The following CLRN3 variants were observed in gnomAD, a reference collection of about 807,000 sequenced individuals.
The protein encoded by CLRN3 is clarin-3.
CLRN3 carries 12 observed loss-of-function variants against 16.7 expected under a neutral mutation model. The ratio of observed to expected loss-of-function variants is 0.72; its 90% CI spans 0.46 to 1.16. The LOEUF is 1.16. Among genes scored for constraint, CLRN3 ranks in the 50% most tolerant of loss-of-function variants. The pLI is 0.00. For synonymous variants in CLRN3, 118 were observed against 113.0 expected (o/e 1.04, Z -0.28); for missense variants, 296 against 274.2 (o/e 1.08, Z -0.56).
At chr10:127,886,270 T>C (rs2135082979) in intron 1 of CLRN3, among the ~76,000 whole-genome samples, 1 of 152,324 alleles carries the variant, frequency 6.6e-6, no homozygotes, top group East Asian at 1.9e-4. Context: ...CTTAATTCTA[T>C]TTGTTCACTA....
intron 1 of CLRN3, among the ~76,000 whole-genome samples, chr10:127,889,313 C>A (rs1037871767): frequency 6.6e-6 from 1 of 151,284 alleles, no homozygotes; most frequent in Non-Finnish European, 1.5e-5. Flanking sequence ...CAAAGCAAGA[C>A]GCTGTCTCAA....
chr10:127,881,261 A>T (rs1343183507), intron 2 of CLRN3, among the ~76,000 whole-genome samples: 1 of 152,140 alleles, frequency 6.6e-6, no homozygotes, highest in Non-Finnish European at 1.5e-5. Context: ...CCGTCCAACA[A>T]TTCTTTGTGG....
At chr10:127,888,004 A>C (rs1159870497) in intron 1 of CLRN3, among the ~76,000 whole-genome samples, 3 of 152,324 alleles carry the variant, frequency 2.0e-5, no homozygotes, top group African/African-American at 7.2e-5. Context: ...CATGAGAGCC[A>C]TCCGGACATC....
chr10:127,879,212 G>A (rs970439210), intron 2 of CLRN3, among the ~76,000 whole-genome samples: 6 of 152,062 alleles, frequency 3.9e-5, no homozygotes, highest in Non-Finnish European at 8.8e-5. Flanking sequence ...AGGCTCCATT[G>A]ATCCTACCAC....
intron 1 of CLRN3, among the ~76,000 whole-genome samples, chr10:127,887,142 G>A (rs371026251): frequency 2.6e-5 from 4 of 152,200 alleles, no homozygotes; most frequent in African/African-American, 9.6e-5. Flanking sequence ...TAATAGAGGG[G>A]GACACCGGAG....
intron 1 of CLRN3, among the ~76,000 whole-genome samples, chr10:127,885,792 G>C (rs1845186847): frequency 6.6e-6 from 1 of 151,900 alleles, no homozygotes; most frequent in Non-Finnish European, 1.5e-5. Flanking sequence ...TTTCACTCTT[G>C]TTGCCCAGGC....
chr10:127,892,778 T>C lies in CLRN3; in HGVS notation c.7A>G (p.Thr3Ala). Reference protein sequence around the residue: MPTTKKTLMFLSS... With the variant: MPATKKTLMFLSS... The stretch of plus-strand genomic sequence containing the variant: ...AAGAACATCAATGTCTTCTTTGTGG[T>C]AGGCATTTTCACAGGAAAATAAGTT... Residue 3 changes from threonine to alanine, a missense_variant, in exon 1 of 3, where the codon ACC (threonine) becomes GCC (alanine). By Grantham distance (58) the Thr-to-Ala change is moderately conservative. Coordinates refer to ENST00000368671, the MANE Select transcript of CLRN3 (RefSeq NM_152311.5). 2 of 1,602,362 alleles carry C rather than the reference T, an allele frequency of 1.2e-6. No homozygotes were observed. Among genetic ancestry groups the C allele is most frequent in the Non-Finnish European group, 1.7e-6 (2 of 1,171,086 alleles).
chr10:127,887,361 A>G (rs1845208345), intron 1 of CLRN3, among the ~76,000 whole-genome samples: 1 of 152,180 alleles, frequency 6.6e-6, no homozygotes, highest in Admixed American at 6.5e-5. Context: ...AGCTGTGTCC[A>G]AGGCCCCTGA....
intron 2 of CLRN3, 38 bp from the exon 3 acceptor site, chr10:127,878,458 T>C (rs747352871): frequency 1.9e-6 from 3 of 1,608,974 alleles, no homozygotes; most frequent in Non-Finnish European, 2.5e-6. Context: ...GGCATGGTGA[T>C]ACAGTTTTTA....
intron 2 of CLRN3, among the ~76,000 whole-genome samples, chr10:127,881,687 A>G (rs1169436578): frequency 3.3e-5 from 5 of 152,352 alleles, no homozygotes; most frequent in Middle Eastern, 3.4e-3. Context: ...GGGATGGGAG[A>G]AGGGCAATGC....
rs377323256 is a variant in CLRN3 at position 127,878,377 on chromosome 10, C to T, written c.453G>A (p.Thr151=). The change falls in exon 3 of 3, where the codon ACG becomes ACA. Residue 151 remains threonine (T), a synonymous_variant. Coordinates refer to ENST00000368671, the MANE Select transcript of CLRN3 (RefSeq NM_152311.5). The part of the protein sequence containing the change: ...FVTMILFVAN[T]QSNQLSEELF... Reference sequence around the variant, plus strand: ...ACTCTTCGGAGAGTTGGTTGGACTGCGTGTTCGCCACAAACAGTATCATGG... The same window carrying T: ...ACTCTTCGGAGAGTTGGTTGGACTGTGTGTTCGCCACAAACAGTATCATGG... 4.6e-5 allele frequency: 75 copies of T among 1,614,018 alleles called. No individual in the cohort carries two copies. The highest frequency in any genetic ancestry group is 1.9e-4 in the African/African-American group (14 of 74,892).
At chr10:127,885,592 T>G (rs912172425) in intron 1 of CLRN3, among the ~76,000 whole-genome samples, 5 of 152,144 alleles carry the variant, frequency 3.3e-5, no homozygotes, top group Non-Finnish European at 5.9e-5. Flanking sequence ...TCTTCTGTTT[T>G]TGGAGACAGG....
chr10:127,892,807 T>G lies in CLRN3; in HGVS notation c.-23A>C. ...CATTTTCACAGGAAAATAAGTTCTC[T>G]AGGACAAAAAAAGGAATATCTTCTT... On this transcript the variant is annotated 5_prime_UTR_variant, in exon 1 of 3. Transcript: ENST00000368671. 2 of 1,432,432 alleles carry G rather than the reference T, an allele frequency of 1.4e-6. No individual in the cohort carries two copies. The highest frequency in any genetic ancestry group is 2.0e-6 in the Non-Finnish European group (2 of 1,023,878). 88.7% of individuals were successfully genotyped at this position (1,432,432 alleles called of 1,614,324 possible).
intron 1 of CLRN3, among the ~76,000 whole-genome samples, chr10:127,889,921 A>G (rs1377770790): frequency 1.3e-5 from 2 of 152,132 alleles, no homozygotes; most frequent in Non-Finnish European, 2.9e-5. Flanking sequence ...GGGTGTCCAC[A>G]GTGTGAGCTT....
chr10:127,883,023 C>T (rs768262588), intron 2 of CLRN3, among the ~76,000 whole-genome samples: 4 of 152,200 alleles, frequency 2.6e-5, no homozygotes, highest in Admixed American at 2.0e-4. Flanking sequence ...AGCTGGGACC[C>T]GCTTCCCATC....
rs1419935215 is a variant in CLRN3, at chr10:127,878,355, C to CT, written c.474dup (p.Glu159ArgfsTer13). ...GCCGGGTAAAGCATTTGGAACAACT[C>CT]TTCGGAGAGTTGGTTGGACTGCGTG... On this transcript the variant is annotated frameshift_variant, in exon 3 of 3. Transcript: ENST00000368671. LOFTEE classifies it low-confidence loss of function (END_TRUNC). 5 of 1,614,196 alleles carry CT rather than the reference C, an allele frequency of 3.1e-6. No homozygotes were observed. Among genetic ancestry groups the CT allele is most frequent in the Non-Finnish European group, 4.2e-6 (5 of 1,180,042 alleles).
At chr10:127,885,883 G>A (rs1460610335) in intron 1 of CLRN3, among the ~76,000 whole-genome samples, 1 of 152,086 alleles carries the variant, frequency 6.6e-6, no homozygotes, top group African/African-American at 2.4e-5. Flanking sequence ...AGCCTTCCAA[G>A]TAGCTGGGAT....
Position 127,886,469 on chromosome 10 carries a change from G to A in CLRN3, c.230-2594C>T, listed in dbSNP as rs552835182. On this transcript the variant is annotated intron_variant, in intron 1 of 2. Transcript: ENST00000368671. ...CCTCATCCCAAGCGGTGCAGGCCTCGGGGTGCAGCCTCCTAGACCGGGAGG... is the reference window on the plus strand; with the variant it reads ...CCTCATCCCAAGCGGTGCAGGCCTCAGGGTGCAGCCTCCTAGACCGGGAGG... Among the ~76,000 whole-genome samples the A allele has an allele frequency of 1.9e-4, 29 of 152,294 alleles. 1 individual carries two copies. The highest frequency in any genetic ancestry group is 6.3e-4 in the African/African-American group (26 of 41,552).
At position 127,892,788 on chromosome 10, in the gene CLRN3, C is replaced by T; in HGVS notation, c.-4G>A. 1.3e-6 allele frequency: 2 copies of T among 1,579,560 alleles called. No homozygotes were observed. Among genetic ancestry groups the T allele is most frequent in the Middle Eastern group, 1.7e-4 (1 of 6,006 alleles). ...ATGTCTTCTTTGTGGTAGGCATTTT[C>T]ACAGGAAAATAAGTTCTCTAGGACA... is the stretch of plus-strand genomic sequence containing the variant. On this transcript the variant is annotated 5_prime_UTR_variant, in exon 1 of 3. Transcript: ENST00000368671.
Sources: allele counts gnomAD v4.1 joint callset (sites outside exome capture counted in the v4.1 genomes callset), GRCh38; gene constraint gnomAD v4.1.1; transcripts MANE v1.5; gene names NCBI Gene and HGNC (gene_info 2026-07-23, HGNC 2026-07-21).